SMIM36: variants seen among roughly 807,000 people sequenced by gnomAD.
The protein encoded by SMIM36 is small integral membrane protein 36.
upstream of SMIM36, among the ~76,000 whole-genome samples, chr17:55,514,288 A>G (rs759168285): frequency 1.3e-5 from 2 of 152,190 alleles, no homozygotes; most frequent in Non-Finnish European, 2.9e-5. Context: ...GGTAAAAACA[A>G]TAACAAGCTG....
chr17:55,522,202 A>T, the SMIM36 span, among the ~76,000 whole-genome samples: 20 of 152,274 alleles, frequency 1.3e-4, no homozygotes, highest in East Asian at 3.9e-3. Flanking sequence ...CCATTTCAGG[A>T]TCATAGTACT....
At chr17:55,500,597 T>C (rs915523167) in intron 1 of SMIM36, among the ~76,000 whole-genome samples, 1 of 151,086 alleles carries the variant, frequency 6.6e-6, no homozygotes, top group African/African-American at 2.4e-5. Context: ...CAACACTCTC[T>C]TTAGAGTATT....
At chr17:55,518,525 G>A in the SMIM36 span, among the ~76,000 whole-genome samples, 3 of 152,150 alleles carry the variant, frequency 2.0e-5, no homozygotes, top group Admixed American at 2.0e-4. Flanking sequence ...TTGAGATTTT[G>A]CTAAAATTAG....
chr17:55,529,755 C>T, the SMIM36 span, among the ~76,000 whole-genome samples: 3 of 151,892 alleles, frequency 2.0e-5, no homozygotes, highest in African/African-American at 4.8e-5. Flanking sequence ...GGCACCACTG[C>T]ACTCCAGCCT....
chr17:55,522,599 C>T, the SMIM36 span, among the ~76,000 whole-genome samples: 74 of 152,266 alleles, frequency 4.9e-4, no homozygotes, highest in Middle Eastern at 6.8e-3. Flanking sequence ...CAGTATGGGG[C>T]AAACTGCCCC....
chr17:55,457,672 G>A (rs532753414), intron 4 of SMIM36, among the ~76,000 whole-genome samples: 23 of 151,414 alleles, frequency 1.5e-4, no homozygotes, highest in Admixed American at 1.1e-3. Context: ...GATTACAGGC[G>A]CCCACAACCA....
chr17:55,524,595 T>A, the SMIM36 span, among the ~76,000 whole-genome samples: 7 of 152,338 alleles, frequency 4.6e-5, no homozygotes, highest in South Asian at 1.0e-3. Context: ...ATTTTTTGAC[T>A]TTTTGGTAGT....
intron 1 of SMIM36, among the ~76,000 whole-genome samples, chr17:55,497,777 C>G (rs142309730): frequency 2.8e-3 from 431 of 152,280 alleles, no homozygotes; most frequent in African/African-American, 9.7e-3. Context: ...TCCTAGGCAG[C>G]CTCTATTAAG....
intron 4 of SMIM36, among the ~76,000 whole-genome samples, chr17:55,466,687 G>A (rs1311117303): frequency 6.6e-6 from 1 of 152,152 alleles, no homozygotes; most frequent in Non-Finnish European, 1.5e-5. Context: ...GGCCGAGAGA[G>A]TGGGCAGGAG....
chr17:55,520,849 C>T, the SMIM36 span, among the ~76,000 whole-genome samples: 14 of 152,118 alleles, frequency 9.2e-5, no homozygotes, highest in Non-Finnish European at 2.1e-4. Context: ...TTATCTTGAC[C>T]GGCAGGTGCT....
At chr17:55,482,878 CAAAT>C (rs1240629999) in intron 1 of SMIM36, among the ~76,000 whole-genome samples, 9 of 152,192 alleles carry the variant, frequency 5.9e-5, no homozygotes, top group Non-Finnish European at 2.9e-5. Context: ...AGGCATCTGT[CAAAT>C]AAAGTCATTG....
At chr17:55,477,419 A>G (rs1309685083) in intron 3 of SMIM36, among the ~76,000 whole-genome samples, 2 of 152,060 alleles carry the variant, frequency 1.3e-5, no homozygotes, top group African/African-American at 4.8e-5. Context: ...TTCTCCCTGC[A>G]TGCCTTAGAC....
chr17:55,504,842 GA>G (rs1910055170), intron 1 of SMIM36, among the ~76,000 whole-genome samples: 1 of 79,942 alleles, frequency 1.3e-5, no homozygotes, highest in Non-Finnish European at 2.1e-5. Flanking sequence ...GACTAATAAA[GA>G]AAAAAAGAGA....
chr17:55,462,465 G>A (rs1467030707), intron 4 of SMIM36, among the ~76,000 whole-genome samples: 1 of 152,104 alleles, frequency 6.6e-6, no homozygotes, highest in East Asian at 1.9e-4. Context: ...TAAAAAATTA[G>A]CCAGGTGGCA....
rs143641170 is a variant in SMIM36, at chr17:55,493,771, C to G, written c.*175-14191G>C. On this transcript the variant is annotated intron_variant, in intron 1 of 4. Transcript: ENST00000636752. Reference sequence around the variant, plus strand: ...GCTCCAGTGACCCGAGATCGCGCCACTGCACTCCAGCATGGGCAGCAGAGC... The same window carrying G: ...GCTCCAGTGACCCGAGATCGCGCCAGTGCACTCCAGCATGGGCAGCAGAGC... Among the ~76,000 whole-genome samples, 337 of 142,484 alleles carry G rather than the reference C, an allele frequency of 2.4e-3. 1 individual carries two copies. The highest frequency in any genetic ancestry group is 8.4e-3 in the African/African-American group (323 of 38,642). The allele number at this position is 142,484 out of a possible 152,430, so 93.5% of individuals were successfully genotyped here.
At chr17:55,501,003 C>A (rs181285407) in intron 1 of SMIM36, among the ~76,000 whole-genome samples, 1 of 4,420 alleles carries the variant, frequency 2.3e-4, no homozygotes. Flanking sequence ...TAATATGTAA[C>A]ATATTATTAT....
chr17:55,522,253 G>C, the SMIM36 span, among the ~76,000 whole-genome samples: 1 of 152,120 alleles, frequency 6.6e-6, no homozygotes, highest in Non-Finnish European at 1.5e-5. Flanking sequence ...GTTCTCCTCC[G>C]ATTATCTGCA....
upstream of SMIM36, among the ~76,000 whole-genome samples, chr17:55,513,639 G>T (rs114475205): frequency 0.011 from 1,637 of 152,324 alleles, 22 homozygotes; most frequent in African/African-American, 0.036. Flanking sequence ...ATAGTAAACT[G>T]AGTCTGGATA....
At chr17:55,505,259 C>A (rs1389009670) in intron 1 of SMIM36, among the ~76,000 whole-genome samples, 1 of 93,560 alleles carries the variant, frequency 1.1e-5, no homozygotes, top group African/African-American at 4.9e-5. Context: ...CAAAGCTGGG[C>A]AGAGACACAA....
Sources: gnomAD v4.1 joint callset for allele counts (sites outside exome capture counted in the v4.1 genomes callset) on GRCh38, gnomAD v4.1.1 for gene constraint, MANE v1.5 for transcripts, NCBI Gene and HGNC (gene_info 2026-07-23, HGNC 2026-07-21) for gene names.